Variants in QARS1 observed in about 807,000 individuals in gnomAD.
QARS1 encodes the protein glutaminyl-tRNA synthetase 1.
In QARS1, 79 loss-of-function variants were observed where a neutral mutation model predicts 106.9. The observed-to-expected ratio is 0.74, with a 90% CI of 0.62 to 0.89. The LOEUF is 0.89. QARS1 is among the 40% of genes least tolerant of loss of function. The probability of loss-of-function intolerance (pLI) is 0.00; values close to 1 mark genes in which losing one functional copy is unlikely to be tolerated. For missense variants in QARS1, 966 were observed against 997.2 expected, an observed-to-expected ratio of 0.97 and a Z score of 0.42; for synonymous variants, 395 against 367.7, an observed-to-expected ratio of 1.07 and a Z score of -0.85.
rs368949211 is a variant in QARS1, at chr3:49,100,689, C to A, written c.877-15G>T. 1.3e-6 allele frequency: 2 copies of A among 1,543,582 alleles called. No homozygotes were observed. The highest frequency in any genetic ancestry group is 1.8e-6 in the Non-Finnish European group (2 of 1,115,818). On this transcript the variant is annotated splice_polypyrimidine_tract_variant and intron_variant, in intron 10 of 23. Coordinates refer to ENST00000306125, the MANE Select transcript of QARS1 (RefSeq NM_005051.3). ...CCATTGTTGGCCTAGGAAAGTTGCA[C>A]CATCTGTGAACTCCCACATCATCCA...
intron 23 of QARS1, chr3:49,097,379 G>A (rs911463680): frequency 6.6e-6 from 1 of 151,798 alleles, no homozygotes; most frequent in Non-Finnish European, 1.5e-5. Flanking sequence ...TGGCCAGGGT[G>A]GTCTCGAACT....
chr3:49,102,554 G>A, intron 5 of QARS1, 82 bp from the exon 6 acceptor site: 2 of 1,501,592 alleles, frequency 1.3e-6, no homozygotes, highest in Admixed American at 1.7e-5. Flanking sequence ...CCAACCCAAG[G>A]CTTCCTGGCC....
At position 49,098,622 on chromosome 3, in the gene QARS1, A is replaced by G. The variant is rs767187216; in HGVS notation, c.1934T>C (p.Ile645Thr). 3 of 1,611,962 alleles carry G rather than the reference A, an allele frequency of 1.9e-6. No homozygotes were observed. The highest frequency in any genetic ancestry group is 1.7e-5 in the Admixed American group (1 of 59,696). ...CACCTTGACAACATGCTGCAGCTCAATGACGTAGCCTGTATGCCTCAGGCC... is the reference window on the plus strand; with the variant it reads ...CACCTTGACAACATGCTGCAGCTCAGTGACGTAGCCTGTATGCCTCAGGCC... ...PVGLRHTGYVIELQHVVKGPS... is the reference protein window; with the variant it reads ...PVGLRHTGYVTELQHVVKGPS... Residue 645 changes from isoleucine to threonine, a missense_variant, in exon 20 of 24, where the codon ATT (isoleucine) becomes ACT (threonine). Ile to Thr is a moderately conservative substitution (Grantham distance 89). Transcript: ENST00000306125.
chr3:49,099,305 T>C, intron 17 of QARS1, 39 bp downstream of exon 17: 1 of 1,614,098 alleles, frequency 6.2e-7, no homozygotes. Context: ...ACTGCCACAC[T>C]CAACCCCCAA....
In QARS1 at chr3:49,104,618, T is replaced by C; in HGVS notation, c.116A>G (p.Gln39Arg). 3 of 1,602,440 alleles carry C rather than the reference T, an allele frequency of 1.9e-6. No individual in the cohort carries two copies. The highest frequency in any genetic ancestry group is 2.6e-6 in the Non-Finnish European group (3 of 1,171,324). Reference protein sequence around the residue: ...LSAQLREAATQAQQTLGSTID... With the variant: ...LSAQLREAATRAQQTLGSTID... ...GGCCGGGGGCAGAGGGGCTCGCACC[T>C]GAGTAGCGGCCTCGCGCAGCTGCGC... The change falls in exon 1 of 24, where the codon CAG becomes CGG. Residue 39 changes from glutamine to arginine, a missense_variant and splice_region_variant. By Grantham distance (43) the Gln-to-Arg change is conservative (BLOSUM62 1). Coordinates refer to ENST00000306125, the MANE Select transcript of QARS1 (RefSeq NM_005051.3).
intron 1 of QARS1, 29 bp from the exon 2 acceptor site, chr3:49,104,500 C>T (rs749841518): frequency 1.1e-5 from 17 of 1,611,892 alleles, no homozygotes; most frequent in Non-Finnish European, 1.4e-5. Context: ...AGAGAGAAGC[C>T]CCGCGCTCAG....
At position 49,098,916 on chromosome 3, in the gene QARS1, A is replaced by G. The variant is rs757743183; in HGVS notation, c.1832T>C (p.Ile611Thr). 3.7e-6 allele frequency: 6 copies of G among 1,614,040 alleles called. No homozygotes were observed. Among genetic ancestry groups the G allele is most frequent in the Middle Eastern group, 1.6e-4 (1 of 6,062 alleles). ...GAAGTCAGTCCTCTCAATGAAGACAATGGGTGCAAAGGGAACCTGATGGAA... is the reference window on the plus strand; with the variant it reads ...GAAGTCAGTCCTCTCAATGAAGACAGTGGGTGCAAAGGGAACCTGATGGAA... ...KGFHQVPFAP[I>T]VFIERTDFKE... is the part of the protein sequence containing the mutation. Residue 611 changes from isoleucine to threonine, a missense_variant, in exon 19 of 24, where the codon ATT becomes ACT. Physicochemically the swap from Ile to Thr is moderately conservative, Grantham distance 89. Coordinates refer to ENST00000306125, the MANE Select transcript of QARS1 (RefSeq NM_005051.3).
At chr3:49,096,813 A>AAAAT in intron 23 of QARS1, among the ~76,000 whole-genome samples, 1 of 128,958 alleles carries the variant, frequency 7.8e-6, no homozygotes, top group Non-Finnish European at 1.7e-5. Context: ...AAAAAAAAAA[A>AAAAT]AAAAAAAAAA....
intron 2 of QARS1, 94 bp downstream of exon 2, chr3:49,104,230 G>C (rs2042508577): frequency 6.5e-7 from 1 of 1,541,008 alleles, no homozygotes; most frequent in Non-Finnish European, 8.9e-7. Context: ...TAGGTGTCTA[G>C]AAAGAAACTG....
In QARS1 at chr3:49,104,458, A is replaced by G. The variant is rs1559970954; in HGVS notation, c.131T>C (p.Leu44Pro). Residue 44 changes from leucine to proline, a missense_variant, in exon 2 of 24, where the codon CTG becomes CCG. Leu to Pro is a moderately conservative substitution (Grantham distance 98). Transcript: ENST00000306125. ...REAATQAQQT[L>P]GSTIDKATGI... is the part of the protein sequence containing the mutation. ...GGTAGCTTTGTCAATGGTGGAACCC[A>G]GGGTCTGCTGAGCCTGAGGTCAGAG... 6.2e-7 allele frequency: 1 copy of G among 1,614,128 alleles called. No homozygotes were observed. The highest frequency in any genetic ancestry group is 1.3e-5 in the African/African-American group (1 of 75,058).
intron 10 of QARS1, 122 bp from the exon 11 acceptor site, chr3:49,100,796 G>A: frequency 2.4e-6 from 2 of 848,650 alleles, no homozygotes. Flanking sequence ...TTGAGATGGA[G>A]TCTTGATTAT....
chr3:49,099,254 CT>C lies in QARS1; in HGVS notation c.1615-2del. ...TGGTTTGTGCCACAGTCACTCCCAC[CT>C]GGCAGGAAAGTTCAGCATCAGTCAC... On this transcript the variant is annotated splice_acceptor_variant, in intron 17 of 23. Coordinates refer to ENST00000306125, the MANE Select transcript of QARS1 (RefSeq NM_005051.3). LOFTEE classifies it high-confidence loss of function. 1 of 1,614,204 alleles carries C rather than the reference CT, an allele frequency of 6.2e-7. No individual in the cohort carries two copies. The highest frequency in any genetic ancestry group is 8.5e-7 in the Non-Finnish European group (1 of 1,180,022).
In QARS1 at chr3:49,099,573, T is replaced by C. The variant is rs936828606; in HGVS notation, c.1463A>G (p.Asn488Ser). The C allele has an allele frequency of 2.5e-6, 4 of 1,614,182 alleles. No individual in the cohort carries two copies. Among genetic ancestry groups the C allele is most frequent in the Non-Finnish European group, 2.5e-6 (3 of 1,180,028 alleles). ...CPVQWEYGRL[N>S]LHYAVVSKRK... ...CTTAGAGACAACAGCATAGTGCAGGTTGAGGCGGCCATACTCCCACTGCAC... is the reference window on the plus strand; with the variant it reads ...CTTAGAGACAACAGCATAGTGCAGGCTGAGGCGGCCATACTCCCACTGCAC... The change falls in exon 16 of 24, where the codon AAC (asparagine) becomes AGC (serine). Residue 488 changes from asparagine (N) to serine (S), a missense_variant. By Grantham distance (46) the Asn-to-Ser change is conservative. Transcript: ENST00000306125.
chr3:49,097,612 T>A (rs1006827097), intron 23 of QARS1, among the ~76,000 whole-genome samples: 1 of 151,684 alleles, frequency 6.6e-6, no homozygotes, highest in Non-Finnish European at 1.5e-5. Flanking sequence ...CTGGCCAACA[T>A]GGTGAAACCC....
chr3:49,101,338 C>T lies in QARS1; in HGVS notation c.876+17G>A, dbSNP rs759562603. ...AAGTGGTCATCTTGCTTGCCAGGTC[C>T]CTAGACACATGCTTACCTTGGCATA... On this transcript the variant is annotated intron_variant, in intron 10 of 23. Coordinates refer to ENST00000306125, the MANE Select transcript of QARS1 (RefSeq NM_005051.3). 4 of 1,589,106 alleles carry T rather than the reference C, an allele frequency of 2.5e-6. No homozygotes were observed. The Admixed American group carries it at 6.7e-5, about 27-fold the overall frequency.
At chr3:49,101,978 C>T (rs1056783147) in intron 7 of QARS1, 79 bp from the exon 8 acceptor site, 2 of 1,432,894 alleles carry the variant, frequency 1.4e-6, no homozygotes, top group African/African-American at 1.4e-5. Context: ...ACTGAGTAGA[C>T]CCCTATTCCC....
Position 49,100,002 on chromosome 3 carries a change from A to G in QARS1, c.1254T>C (p.Tyr418=). 3 of 1,614,124 alleles carry G rather than the reference A, an allele frequency of 1.9e-6. No individual in the cohort carries two copies. Among genetic ancestry groups the G allele is most frequent in the Non-Finnish European group, 2.5e-6 (3 of 1,180,030 alleles). ...GGTGGTGTGGTGTATACTTGACTCGATAGGCTACAGGGTCCATCTTGCCAT... is the reference window on the plus strand; with the variant it reads ...GGTGGTGTGGTGTATACTTGACTCGGTAGGCTACAGGGTCCATCTTGCCAT... ...MEDGKMDPVA[Y]RVKYTPHHRT... The change falls in exon 14 of 24, where the codon TAT becomes TAC. Residue 418 remains tyrosine (Y), a synonymous_variant. Coordinates refer to ENST00000306125, the MANE Select transcript of QARS1 (RefSeq NM_005051.3).
rs1027540944 is a variant in QARS1 at position 49,095,999 on chromosome 3, G to A, written c.*30C>T. ...GTGGCGAGGGTAGCCACACCCTCCA[G>A]GAGGATGAGGTAGGTTCAGTGCTTC... On this transcript the variant is annotated 3_prime_UTR_variant, in exon 24 of 24. Coordinates refer to ENST00000306125, the MANE Select transcript of QARS1 (RefSeq NM_005051.3). 2 of 1,610,684 alleles carry A rather than the reference G, an allele frequency of 1.2e-6. No homozygotes were observed. Among genetic ancestry groups the A allele is most frequent in the Non-Finnish European group, 1.7e-6 (2 of 1,177,694 alleles).
At chr3:49,096,940 G>A (rs374580707) in intron 23 of QARS1, among the ~76,000 whole-genome samples, 2 of 149,912 alleles carry the variant, frequency 1.3e-5, no homozygotes, top group African/African-American at 4.9e-5. Flanking sequence ...GGCCGAGATC[G>A]TGCCACTGTA....
Sources: allele counts gnomAD v4.1 joint callset (sites outside exome capture counted in the v4.1 genomes callset), GRCh38; gene constraint gnomAD v4.1.1; transcripts MANE v1.5; gene names NCBI Gene and HGNC (gene_info 2026-07-23, HGNC 2026-07-21).